Variants in CRYM observed in about 807,000 individuals in gnomAD.
The protein encoded by CRYM is crystallin mu, also known as ketimine reductase mu-crystallin.
In CRYM, 18 loss-of-function variants were observed where a neutral mutation model predicts 32.9. The ratio of observed to expected loss-of-function variants is 0.55; its 90% confidence interval spans 0.38 to 0.81. The LOEUF (loss-of-function observed/expected upper bound fraction) is 0.81, where lower values mean the gene tolerates loss of function less well. Ranked by LOEUF, CRYM falls within the 30% of genes least tolerant of loss-of-function variation. CRYM has a pLI of 0.00. For missense variants in CRYM, 337 were observed against 393.5 expected, an observed-to-expected ratio of 0.86 and a Z score of 1.21; for synonymous variants, 153 against 152.4, an observed-to-expected ratio of 1.00 and a Z score of -0.03.
upstream of CRYM, among the ~76,000 whole-genome samples, chr16:21,279,670 C>T (rs140367399): frequency 1.1e-4 from 17 of 152,192 alleles, no homozygotes; most frequent in East Asian, 1.4e-3. Flanking sequence ...AACAGATGAG[C>T]GAGAGCAGAG....
intron 7 of CRYM, among the ~76,000 whole-genome samples, 179 bp from the exon 8 acceptor site, chr16:21,259,024 A>G (rs1372500340): frequency 6.6e-6 from 1 of 152,180 alleles, no homozygotes; most frequent in East Asian, 1.9e-4. Flanking sequence ...GGCAGAGAAT[A>G]TGATAGTAAG....
At chr16:21,278,385 C>A, upstream of CRYM, 1 of 1,037,176 alleles carries the variant, frequency 9.6e-7, no homozygotes, top group South Asian at 1.4e-5. Context: ...GGCGGAGCAA[C>A]CCCGCCCCGC....
At chr16:21,281,245 CAT>C (rs141391440), upstream of CRYM, among the ~76,000 whole-genome samples, 10 of 147,692 alleles carry the variant, frequency 6.8e-5, no homozygotes, top group South Asian at 2.1e-4. Context: ...TATATATGTG[CAT>C]ATATATATAT....
intron 1 of CRYM, among the ~76,000 whole-genome samples, chr16:21,286,316 C>T (rs957182030): frequency 1.3e-5 from 2 of 151,182 alleles, no homozygotes; most frequent in Non-Finnish European, 2.9e-5. Context: ...CTCCTGGGTT[C>T]AAGCAATTCT....
At chr16:21,283,459 TA>T (rs1243851042) in intron 1 of CRYM, 1 of 152,128 alleles carries the variant, frequency 6.6e-6, no homozygotes, top group Non-Finnish European at 1.5e-5. Flanking sequence ...TTTTAAAATG[TA>T]AAAATATTGT....
At chr16:21,282,897 A>G (rs760410633), upstream of CRYM, among the ~76,000 whole-genome samples, 16 of 152,106 alleles carry the variant, frequency 1.1e-4, no homozygotes, top group Non-Finnish European at 2.1e-4. Flanking sequence ...AGCATATTAA[A>G]TATTAGGTGT....
chr16:21,275,682 A>G (rs2093384786), intron 2 of CRYM, 88 bp from the exon 3 acceptor site: 1 of 1,076,846 alleles, frequency 9.3e-7, no homozygotes, highest in African/African-American at 1.6e-5. Context: ...TAGCTTAGGA[A>G]GTTTTATAGC....
intron 1 of CRYM, among the ~76,000 whole-genome samples, chr16:21,286,668 T>A (rs6497547): frequency 0.34 from 51,547 of 152,068 alleles, 9,439 homozygotes; most frequent in East Asian, 0.55. Flanking sequence ...TTAATAACAC[T>A]TTTATGTAAA....
At chr16:21,262,305 A>C (rs2093356079) in intron 5 of CRYM, 147 bp from the exon 6 acceptor site, 1 of 937,706 alleles carries the variant, frequency 1.1e-6, no homozygotes, top group Non-Finnish European at 1.7e-6. Context: ...TGCTCTCCCA[A>C]TCAGTAGGAC....
At chr16:21,302,704 T>C (rs1960982766) in intron 1 of CRYM, among the ~76,000 whole-genome samples, 1 of 152,194 alleles carries the variant, frequency 6.6e-6, no homozygotes, top group Admixed American at 6.5e-5. Context: ...GTTAGGCTCC[T>C]ACCCTCCCAC....
chr16:21,264,514 A>C (rs1353557041), intron 5 of CRYM, among the ~76,000 whole-genome samples: 5 of 152,038 alleles, frequency 3.3e-5, no homozygotes, highest in Non-Finnish European at 7.4e-5. Flanking sequence ...AGGAGGAGGG[A>C]GGCATGGGGC....
upstream of CRYM, among the ~76,000 whole-genome samples, chr16:21,281,555 T>C (rs1044364481): frequency 3.9e-5 from 6 of 152,228 alleles, no homozygotes; most frequent in Admixed American, 2.0e-4. Flanking sequence ...TTAAAACAAT[T>C]ACAACTCATC....
rs137941469 is a variant in CRYM at position 21,267,672 on chromosome 16, T to C, written c.555A>G (p.Val185=). The change falls in exon 5 of 8, where the codon GTA becomes GTG. Residue 185 remains valine (V), a synonymous_variant. Transcript: ENST00000572914. ...EKFADTVQGE[V]RVCSSVQEAV... is the part of the protein sequence containing the mutation. Reference sequence around the variant, plus strand: ...CCTCCTGGACCGAAGAACAGACCCGTACCTCTCCTTGCACTGTGTCTGCAA... The same window carrying C: ...CCTCCTGGACCGAAGAACAGACCCGCACCTCTCCTTGCACTGTGTCTGCAA... The C allele has an allele frequency of 8.2e-5, 132 of 1,614,250 alleles. 1 individual carries two copies. In the African/African-American group the frequency reaches 1.5e-3, roughly 18 times the overall value.
intron 5 of CRYM, 46 bp from the exon 6 acceptor site, chr16:21,262,204 GGCT>G (rs1192124817): frequency 1.9e-6 from 3 of 1,612,800 alleles, no homozygotes; most frequent in Non-Finnish European, 2.5e-6. Context: ...TAGTGCCAAA[GGCT>G]GCTAAGAAGC....
intron 1 of CRYM, among the ~76,000 whole-genome samples, chr16:21,302,627 T>G (rs1960980474): frequency 6.6e-6 from 1 of 152,170 alleles, no homozygotes; most frequent in African/African-American, 2.4e-5. Flanking sequence ...ACTGAGTTGT[T>G]TGCTGAGTTT....
chr16:21,284,547 A>ATTTC (rs921777686), intron 1 of CRYM, among the ~76,000 whole-genome samples: 35 of 151,850 alleles, frequency 2.3e-4, no homozygotes, highest in South Asian at 1.0e-3. Flanking sequence ...GGTTCTAGAC[A>ATTTC]TTTCTTTCTT....
intron 3 of CRYM, among the ~76,000 whole-genome samples, chr16:21,271,014 G>T (rs2093374325): frequency 6.6e-6 from 1 of 152,182 alleles, no homozygotes; most frequent in South Asian, 2.1e-4. Context: ...GAGGACAGAG[G>T]TAGTCTTATT....
intron 1 of CRYM, among the ~76,000 whole-genome samples, chr16:21,297,213 T>C (rs776363145): frequency 2.0e-5 from 3 of 151,192 alleles, no homozygotes; most frequent in Admixed American, 6.6e-5. Flanking sequence ...GTCAACATGG[T>C]GAAACCCCAT....
At chr16:21,297,596 TATAAC>T (rs1407159040) in intron 1 of CRYM, among the ~76,000 whole-genome samples, 1 of 152,218 alleles carries the variant, frequency 6.6e-6, no homozygotes, top group African/African-American at 2.4e-5. Flanking sequence ...TGTGATAAAA[TATAAC>T]ATAATTGATA....
Sources: allele counts gnomAD v4.1 joint callset (sites outside exome capture counted in the v4.1 genomes callset), GRCh38; gene constraint gnomAD v4.1.1; transcripts MANE v1.5; gene names NCBI Gene and HGNC (gene_info 2026-07-23, HGNC 2026-07-21).